TEKT5: variants seen among roughly 807,000 people sequenced by gnomAD.
TEKT5 encodes the protein tektin-5.
Under a neutral mutation model 48.7 loss-of-function variants are expected in TEKT5, and 52 were observed. That is an observed-to-expected ratio of 1.07 (90% confidence interval 0.86 to 1.35). The LOEUF is 1.35. Ranked by LOEUF, TEKT5 falls within the 40% of genes most tolerant of loss-of-function variation. The probability of loss-of-function intolerance (pLI) is 0.00; values close to 1 mark genes in which losing one functional copy is unlikely to be tolerated. For missense variants in TEKT5, 831 were observed against 641.6 expected, an observed-to-expected ratio of 1.30 and a Z score of -3.19; for synonymous variants, 318 against 267.6, an observed-to-expected ratio of 1.19 and a Z score of -1.84.
chr16:10,672,400 T>C (rs1426615176), intron 5 of TEKT5, among the ~76,000 whole-genome samples: 1 of 152,080 alleles, frequency 6.6e-6, no homozygotes, highest in African/African-American at 2.4e-5. Context: ...AAGACCAGCC[T>C]GGGCAATATG....
At chr16:10,650,134 C>T (rs953629673) in intron 5 of TEKT5, among the ~76,000 whole-genome samples, 2 of 152,040 alleles carry the variant, frequency 1.3e-5, no homozygotes, top group Admixed American at 6.6e-5. Context: ...TGCAGTGGCG[C>T]AATCTCGGCT....
In TEKT5 at chr16:10,677,997, G is replaced by A. The variant is rs1479581214; in HGVS notation, c.864-1816C>T. 2.6e-5 allele frequency among the ~76,000 whole-genome samples: 4 copies of A among 152,292 alleles called. No individual in the cohort carries two copies. In the East Asian group the frequency reaches 7.7e-4, roughly 29 times the overall value. ...GCTTCTTAGAGGTGGTGACACATGA[G>A]GAACTCCTCAGTAAAGTTCTTCCTG... On this transcript the variant is annotated intron_variant, in intron 4 of 6. Transcript: ENST00000283025.
At chr16:10,680,457 ATTT>A (rs58130091) in intron 4 of TEKT5, among the ~76,000 whole-genome samples, 216 of 147,276 alleles carry the variant, frequency 1.5e-3, no homozygotes, top group East Asian at 3.2e-3. Context: ...TGTGCTAGGG[ATTT>A]TTTTTTTTTT....
At chr16:10,653,770 A>G (rs1898210263) in intron 5 of TEKT5, among the ~76,000 whole-genome samples, 1 of 152,086 alleles carries the variant, frequency 6.6e-6, no homozygotes, top group East Asian at 1.9e-4. Context: ...AAAATTAGCC[A>G]GGTATGGTGG....
At chr16:10,675,813 G>A in intron 5 of TEKT5, 146 bp downstream of exon 5, 1 of 746,874 alleles carries the variant, frequency 1.3e-6, no homozygotes, top group South Asian at 1.8e-5. Context: ...GCCCCTTTTA[G>A]GAAGAAAAAG....
chr16:10,637,044 C>A (rs2541528), intron 5 of TEKT5, among the ~76,000 whole-genome samples: 2 of 145,864 alleles, frequency 1.4e-5, no homozygotes, highest in African/African-American at 5.2e-5. Context: ...TGCAGTGGTG[C>A]GATTTCGGCT....
At chr16:10,654,746 C>T (rs1163517236) in intron 5 of TEKT5, among the ~76,000 whole-genome samples, 10 of 152,136 alleles carry the variant, frequency 6.6e-5, no homozygotes. Context: ...CTCCAGCATG[C>T]AGACCACAGG....
chr16:10,681,377 GTCTCTCTCTCTCTCTCTC>G (rs59484637), intron 4 of TEKT5, among the ~76,000 whole-genome samples: 7 of 38,780 alleles, frequency 1.8e-4, no homozygotes, highest in African/African-American at 7.6e-4. Context: ...TCCACTCTCT[GTCTCTCTCTCTCTCTCTC>G]TCTCTCTCTC....
At chr16:10,650,104 C>T (rs976029581) in intron 5 of TEKT5, among the ~76,000 whole-genome samples, 3 of 127,558 alleles carry the variant, frequency 2.4e-5, no homozygotes, top group African/African-American at 6.1e-5. Flanking sequence ...CGAAGTCTTG[C>T]TCTATTGCCC....
intron 5 of TEKT5, among the ~76,000 whole-genome samples, chr16:10,658,724 C>CTTTCTT (rs144451263): frequency 2.7e-5 from 4 of 147,366 alleles, no homozygotes; most frequent in African/African-American, 1.0e-4. Context: ...ATTTCTTTTT[C>CTTTCTT]TTTTTTTTTT....
chr16:10,674,884 G>A (rs1567233408), intron 5 of TEKT5, among the ~76,000 whole-genome samples: 1 of 150,794 alleles, frequency 6.6e-6, no homozygotes, highest in African/African-American at 2.4e-5. Flanking sequence ...GTGCAGTGGT[G>A]TGATCTTGGC....
chr16:10,640,637 C>A (rs35150006), intron 5 of TEKT5, among the ~76,000 whole-genome samples: 3,404 of 152,212 alleles, frequency 0.022, 133 homozygotes, highest in African/African-American at 0.078. Flanking sequence ...CCTCCGCCTA[C>A]CCTAGGCAAC....
intron 5 of TEKT5, among the ~76,000 whole-genome samples, chr16:10,651,090 A>T (rs1457982763): frequency 6.6e-6 from 1 of 152,142 alleles, no homozygotes; most frequent in African/African-American, 2.4e-5. Context: ...AGCCCAGGGG[A>T]CCGTCATCCT....
rs565968145 is a variant in TEKT5 at position 10,647,759 on chromosome 16, A to G, written c.1087-11841T>C. The stretch of plus-strand genomic sequence containing the variant: ...TCTGGGAAAGGAAGAGCTAATACTC[A>G]TTCATAAGCTCAATCTTTTCTTCAT... On this transcript the variant is annotated intron_variant, in intron 5 of 6. Transcript: ENST00000283025. Among the ~76,000 whole-genome samples the G allele has an allele frequency of 2.0e-5, 3 of 152,346 alleles. No homozygotes were observed. In the South Asian group the frequency reaches 6.2e-4, roughly 32 times the overall value.
At chr16:10,685,806 T>C (rs1433166511) in intron 3 of TEKT5, among the ~76,000 whole-genome samples, 1 of 152,200 alleles carries the variant, frequency 6.6e-6, no homozygotes, top group Non-Finnish European at 1.5e-5. Flanking sequence ...TCTCAGTCTC[T>C]GGGACTGTCT....
chr16:10,639,472 A>G (rs1252643242), intron 5 of TEKT5, among the ~76,000 whole-genome samples: 1 of 150,516 alleles, frequency 6.6e-6, no homozygotes, highest in African/African-American at 2.5e-5. Flanking sequence ...TAAAAGACCT[A>G]TACCTATAAG....
At chr16:10,688,791 T>C (rs1185845352) in intron 3 of TEKT5, among the ~76,000 whole-genome samples, 4 of 152,216 alleles carry the variant, frequency 2.6e-5, no homozygotes, top group African/African-American at 9.7e-5. Context: ...TCTGGCTCAA[T>C]GCGTCCACCA....
intron 4 of TEKT5, among the ~76,000 whole-genome samples, chr16:10,678,419 C>G (rs1212259256): frequency 1.3e-5 from 2 of 152,146 alleles, no homozygotes; most frequent in Admixed American, 1.3e-4. Context: ...TTTTAAAGCA[C>G]ACTTAGGTTG....
intron 5 of TEKT5, among the ~76,000 whole-genome samples, chr16:10,655,637 T>A (rs1247060105): frequency 1.3e-5 from 2 of 152,128 alleles, no homozygotes; most frequent in Non-Finnish European, 2.9e-5. Flanking sequence ...TTCTAGCCAG[T>A]GGAAAGGAAT....
Sources: gnomAD v4.1 joint callset for allele counts (sites outside exome capture counted in the v4.1 genomes callset) on GRCh38, gnomAD v4.1.1 for gene constraint, MANE v1.5 for transcripts, NCBI Gene and HGNC (gene_info 2026-07-23, HGNC 2026-07-21) for gene names.